Variants in GPCPD1 observed in about 807,000 individuals in gnomAD.
GPCPD1 encodes glycerophosphocholine phosphodiesterase GPCPD1.
In GPCPD1, 29 loss-of-function variants were observed where a neutral mutation model predicts 89.2. The observed-to-expected ratio is 0.33, with a 90% CI of 0.24 to 0.44. The LOEUF (loss-of-function observed/expected upper bound fraction) is 0.44, where lower values mean the gene tolerates loss of function less well. Ranked by LOEUF, GPCPD1 falls within the 20% of genes least tolerant of loss-of-function variation. The pLI is 1.00. For synonymous variants in GPCPD1, 258 were observed against 266.3 expected, an observed-to-expected ratio of 0.97 and a Z score of 0.30; for missense variants, 594 against 808.9, an observed-to-expected ratio of 0.73 and a Z score of 3.22.
intron 2 of GPCPD1, among the ~76,000 whole-genome samples, chr20:5,603,744 TTC>T (rs1370570277): frequency 1.4e-5 from 2 of 148,042 alleles, no homozygotes; most frequent in South Asian, 4.2e-4. Context: ...CACCAACTTA[TTC>T]TTTTTTTTTT....
Position 5,607,088 on chromosome 20 carries a change from A to C in GPCPD1, c.-28-2648T>G, listed in dbSNP as rs534297587. On this transcript the variant is annotated intron_variant, in intron 1 of 19. Transcript: ENST00000379019. The stretch of plus-strand genomic sequence containing the variant: ...GATCACCTGAGGTCAGGAGTTCAAG[A>C]CCAGTCTGGCCAACATGGTGAAACT... Among the ~76,000 whole-genome samples, 3 of 151,982 alleles carry C rather than the reference A, an allele frequency of 2.0e-5. No homozygotes were observed. The East Asian group carries it at 5.8e-4, about 29-fold the overall frequency.
rs376579847 is a variant in GPCPD1, at chr20:5,547,029, A to T, written c.*632T>A. 5 of 152,786 alleles carry T rather than the reference A, an allele frequency of 3.3e-5. No homozygotes were observed. The highest frequency in any genetic ancestry group is 1.2e-4 in the African/African-American group (5 of 41,584). The allele number at this position is 152,786 out of a possible 1,614,324, so 9.5% of individuals were successfully genotyped here. A position where few individuals can be genotyped will look rare whatever the true frequency, so the allele number is the denominator to read the frequency against. On this transcript the variant is annotated 3_prime_UTR_variant, in exon 20 of 20. Transcript: ENST00000379019. ...CATTTTGAAATTTTAACATTGATGT[A>T]AAACAACTTTTGAAAGATTTATGAA...
chr20:5,546,102 A>G lies in GPCPD1; in HGVS notation c.*1559T>C, dbSNP rs1423474755. Reference sequence around the variant, plus strand: ...ACACCAAAATTTTGGAAAATCTCATACAATGTGGGAAAAGTATACAGAACC... The same window carrying G: ...ACACCAAAATTTTGGAAAATCTCATGCAATGTGGGAAAAGTATACAGAACC... On this transcript the variant is annotated 3_prime_UTR_variant, in exon 20 of 20. Transcript: ENST00000379019. 1 of 152,268 alleles carries G rather than the reference A, an allele frequency of 6.6e-6. No homozygotes were observed. The highest frequency in any genetic ancestry group is 1.5e-5 in the Non-Finnish European group (1 of 68,046). 9.4% of individuals were successfully genotyped at this position (152,268 alleles called of 1,614,324 possible).
Position 5,606,867 on chromosome 20 carries a change from ACT to A in GPCPD1, c.-28-2429_-28-2428del, listed in dbSNP as rs1980620644. On this transcript the variant is annotated intron_variant, in intron 1 of 19. Transcript: ENST00000379019. ...CACATATATATATTTATAAATGTAC[ACT>A]GTCAAATATTCATCTCACAGAGTGC... Among the ~76,000 whole-genome samples the A allele has an allele frequency of 2.0e-5, 3 of 152,246 alleles. No homozygotes were observed. In the South Asian group the frequency reaches 6.2e-4, roughly 31 times the overall value.
At chr20:5,586,897 A>G (rs572516001) in intron 4 of GPCPD1, among the ~76,000 whole-genome samples, 1 of 152,322 alleles carries the variant, frequency 6.6e-6, no homozygotes, top group Admixed American at 6.5e-5. Flanking sequence ...GTGGCCAGGT[A>G]AACTTGAAGA....
chr20:5,576,440 ATTCAAC>A (rs963531148), intron 8 of GPCPD1, among the ~76,000 whole-genome samples: 1 of 142,628 alleles, frequency 7.0e-6, no homozygotes, highest in Non-Finnish European at 1.5e-5. Flanking sequence ...AAAAAAAAAA[ATTCAAC>A]ATTTTCAATT....
chr20:5,604,625 C>G (rs113864416), intron 1 of GPCPD1, among the ~76,000 whole-genome samples, 185 bp from the exon 2 acceptor site: 1,254 of 13,396 alleles, frequency 0.094, 4 homozygotes, highest in Non-Finnish European at 0.15. Flanking sequence ...GGGGGGGGGG[C>G]GGGAAAGAAA....
rs139703865 is a variant in GPCPD1, at chr20:5,608,320, C to A, written c.-29+2522G>T. Among the ~76,000 whole-genome samples the A allele has an allele frequency of 8.5e-5, 13 of 152,242 alleles. No individual in the cohort carries two copies. The East Asian group carries it at 2.5e-3, about 29-fold the overall frequency. ...CACAAAAACACCTCCCAGAAAACCTCTCCAAAAGTCAACAAAGCATCATCT... is the reference window on the plus strand; with the variant it reads ...CACAAAAACACCTCCCAGAAAACCTATCCAAAAGTCAACAAAGCATCATCT... On this transcript the variant is annotated intron_variant, in intron 1 of 19. Transcript: ENST00000379019.
Position 5,567,562 on chromosome 20 carries a change from T to TAAAA in GPCPD1, c.1150-6_1150-3dup. The stretch of plus-strand genomic sequence containing the variant: ...TTCAACTGGATCAGCATCAAATTTC[T>TAAAA]AAAAAAAAAAAAAAAAGAAAGAAAG... On this transcript the variant is annotated splice_region_variant and splice_polypyrimidine_tract_variant and intron_variant, in intron 12 of 19. Transcript: ENST00000379019. The TAAAA allele has an allele frequency of 4.6e-6, 6 of 1,296,980 alleles. No homozygotes were observed. The South Asian group carries it at 4.7e-5, about 10-fold the overall frequency. The allele number at this position is 1,296,980 out of a possible 1,614,324, so 80.3% of individuals were successfully genotyped here. A position where few individuals can be genotyped will look rare whatever the true frequency, so the allele number is the denominator to read the frequency against.
chr20:5,566,462 T>C (rs1407081257), intron 14 of GPCPD1, among the ~76,000 whole-genome samples: 1 of 152,240 alleles, frequency 6.6e-6, no homozygotes, highest in Non-Finnish European at 1.5e-5. Context: ...ACTTTCTACT[T>C]TGTAATGGTT....
intron 19 of GPCPD1, 110 bp downstream of exon 19, chr20:5,557,835 A>C (rs1985862074): frequency 3.2e-6 from 2 of 620,892 alleles, no homozygotes; most frequent in Non-Finnish European, 2.8e-6. Context: ...AGATAACCTC[A>C]GGCTGAACTG....
intron 12 of GPCPD1, 40 bp from the exon 13 acceptor site, chr20:5,567,600 T>C (rs763685413): frequency 4.0e-6 from 6 of 1,485,776 alleles, no homozygotes; most frequent in Admixed American, 4.7e-5. Context: ...AAAGAAAGAA[T>C]AAAGAAAATT....
intron 10 of GPCPD1, 52 bp downstream of exon 10, chr20:5,575,361 T>A: frequency 7.5e-7 from 1 of 1,326,610 alleles, no homozygotes; most frequent in Non-Finnish European, 1.1e-6. Flanking sequence ...AGTGTAACTC[T>A]ACCGAACATA....
At chr20:5,561,928 CTAAAATCTATGAAAAACCATGATGT>C (rs1245723399) in intron 15 of GPCPD1, among the ~76,000 whole-genome samples, 2 of 152,170 alleles carry the variant, frequency 1.3e-5, no homozygotes, top group Admixed American at 6.5e-5. Flanking sequence ...ATCTACTTGC[CTAAAATCTATGAAAAACCATGATGT>C]TTAGATTGTT....
intron 12 of GPCPD1, among the ~76,000 whole-genome samples, chr20:5,568,284 A>G (rs1380407173): frequency 6.7e-6 from 1 of 150,278 alleles, no homozygotes; most frequent in Non-Finnish European, 1.5e-5. Context: ...TCACATATAT[A>G]TTCATTCATA....
At chr20:5,573,831 C>T (rs1600744823) in intron 11 of GPCPD1, 84 bp downstream of exon 11, 1 of 813,406 alleles carries the variant, frequency 1.2e-6, no homozygotes, top group African/African-American at 1.7e-5. Context: ...AGATATTCCC[C>T]TAACTATTAA....
intron 2 of GPCPD1, among the ~76,000 whole-genome samples, chr20:5,600,708 T>G (rs1390668138): frequency 6.6e-6 from 1 of 152,150 alleles, no homozygotes; most frequent in East Asian, 1.9e-4. Context: ...AGCAGGCACC[T>G]GTAATCCCAG....
intron 15 of GPCPD1, among the ~76,000 whole-genome samples, chr20:5,562,853 A>AT (rs1437639765): frequency 6.6e-6 from 1 of 152,178 alleles, no homozygotes; most frequent in Non-Finnish European, 1.5e-5. Context: ...TATCTGTCAT[A>AT]TTTTTGCTGG....
At chr20:5,587,375 CTTT>C (rs1390979331) in intron 4 of GPCPD1, among the ~76,000 whole-genome samples, 1 of 145,294 alleles carries the variant, frequency 6.9e-6, no homozygotes, top group African/African-American at 2.5e-5. Context: ...TACACATACT[CTTT>C]TTTTTTTTTA....
Sources: allele counts gnomAD v4.1 joint callset (sites outside exome capture counted in the v4.1 genomes callset), GRCh38; gene constraint gnomAD v4.1.1; transcripts MANE v1.5; gene names NCBI Gene and HGNC (gene_info 2026-07-23, HGNC 2026-07-21).